Variants in TULP4 observed in about 807,000 individuals in gnomAD.
TULP4 encodes the protein tubby-related protein 4.
Under a neutral mutation model 129.0 loss-of-function variants are expected in TULP4, and 16 were observed. That is an observed-to-expected ratio of 0.12 (90% CI 0.08 to 0.19). The LOEUF (loss-of-function observed/expected upper bound fraction) is 0.19, where lower values mean the gene tolerates loss of function less well. TULP4 is among the 10% of genes least tolerant of loss of function. The pLI is 1.00. For synonymous variants in TULP4, 998 were observed against 854.0 expected (o/e 1.17, Z -2.94); for missense variants, 1,842 against 2,059.1 (o/e 0.89, Z 2.04).
intron 2 of TULP4, among the ~76,000 whole-genome samples, chr6:158,419,566 A>C (rs1234336017): frequency 6.6e-6 from 1 of 152,236 alleles, no homozygotes; most frequent in Non-Finnish European, 1.5e-5. Context: ...AAAAATCTAG[A>C]TAACAGTATA....
chr6:158,385,206 A>G (rs1777412249), intron 1 of TULP4, among the ~76,000 whole-genome samples: 1 of 152,232 alleles, frequency 6.6e-6, no homozygotes, highest in Non-Finnish European at 1.5e-5. Flanking sequence ...CGAAAGTACC[A>G]TCTTGATAAA....
At position 158,301,648 on chromosome 6, in the gene TULP4, C is replaced by G. The variant is rs112601511; in HGVS notation, n.117-10403C>G. On this transcript the variant is annotated intron_variant and non_coding_transcript_variant, in intron 1 of 1. Coordinates refer to the TULP4 transcript ENST00000432358. ...GGAAGAAAACACCACTCCACTAAGT[C>G]ATTATGTTGAACTATTAGCCCAGTA... is the stretch of plus-strand genomic sequence containing the variant. Among the ~76,000 whole-genome samples the G allele has an allele frequency of 5.2e-3, 797 of 152,268 alleles. 6 individuals are homozygous for G. The highest frequency in any genetic ancestry group is 0.018 in the African/African-American group (751 of 41,554).
intron 1 of TULP4, among the ~76,000 whole-genome samples, chr6:158,271,322 C>T (rs1485938544): frequency 6.6e-6 from 1 of 152,094 alleles, no homozygotes; most frequent in Non-Finnish European, 1.5e-5. Flanking sequence ...ATAGGTCCAG[C>T]TTCCTCAAGT....
At chr6:158,352,384 T>C (rs1383079089) in intron 1 of TULP4, among the ~76,000 whole-genome samples, 2 of 152,238 alleles carry the variant, frequency 1.3e-5, no homozygotes, top group Non-Finnish European at 2.9e-5. Context: ...TATCCATTTG[T>C]CATGATATGG....
chr6:158,281,086 G>C (rs535197987), upstream of TULP4, among the ~76,000 whole-genome samples: 1 of 152,274 alleles, frequency 6.6e-6, no homozygotes, highest in Admixed American at 6.5e-5. Context: ...ACCTCACTTT[G>C]TGGGTGTTAT....
chr6:158,392,063 G>A (rs1410298022), intron 1 of TULP4, among the ~76,000 whole-genome samples: 2 of 152,220 alleles, frequency 1.3e-5, no homozygotes, highest in African/African-American at 4.8e-5. Context: ...AGACTGGGCA[G>A]TTTACAAAAG....
At chr6:158,450,761 A>G (rs574768775) in intron 4 of TULP4, among the ~76,000 whole-genome samples, 374 of 152,160 alleles carry the variant, frequency 2.5e-3, no homozygotes, top group African/African-American at 8.7e-3. Context: ...TGAAAAAAAA[A>G]AAAGAAAACA....
chr6:158,355,924 A>C (rs185083371), intron 1 of TULP4, among the ~76,000 whole-genome samples: 1 of 152,352 alleles, frequency 6.6e-6, no homozygotes, highest in South Asian at 2.1e-4. Context: ...TATTTCATTT[A>C]TATGAAACTC....
Position 158,502,990 on chromosome 6 carries a change from GCCTGAAGCTGCTGTC to G in TULP4, c.3328_3342del (p.Pro1110_Val1114del). ...AGAAGCCCTTGAGGCACCCTCCCCT[GCCTGAAGCTGCTGTC>G]ACCCTGAAACGGCCACCCCCTTACC... On this transcript the variant is annotated inframe_deletion, in exon 13 of 14. Transcript: ENST00000367097. 1 of 1,614,048 alleles carries G rather than the reference GCCTGAAGCTGCTGTC, an allele frequency of 6.2e-7. No homozygotes were observed. Among genetic ancestry groups the G allele is most frequent in the Non-Finnish European group, 8.5e-7 (1 of 1,179,994 alleles).
rs1350508604 is a variant in TULP4, at chr6:158,396,257, A to AT, written c.253-16808_253-16807insT. 4.2e-3 allele frequency among the ~76,000 whole-genome samples: 634 copies of AT among 152,340 alleles called. 7 individuals carry two copies. The highest frequency in any genetic ancestry group is 0.015 in the African/African-American group (610 of 41,568). ...ACCTCTATTCTCTCATGTCGAGGGC[A>AT]GAACCCAGGTTGGCTCTTCTTTTTT... is the stretch of plus-strand genomic sequence containing the variant. On this transcript the variant is annotated intron_variant, in intron 1 of 13. Coordinates refer to ENST00000367097, the MANE Select transcript of TULP4 (RefSeq NM_020245.5).
At chr6:158,289,002 G>A (rs1328970401) in intron 1 of TULP4, among the ~76,000 whole-genome samples, 1 of 152,140 alleles carries the variant, frequency 6.6e-6, no homozygotes, top group Non-Finnish European at 1.5e-5. Context: ...TAATACTGCT[G>A]TAGGCTATTC....
At chr6:158,331,712 CA>C in intron 1 of TULP4, among the ~76,000 whole-genome samples, 2 of 24,100 alleles carry the variant, frequency 8.3e-5, no homozygotes, top group South Asian at 2.5e-3. Context: ...CACACACACA[CA>C]CACACACACA....
chr6:158,390,961 C>G (rs898455519), intron 1 of TULP4, among the ~76,000 whole-genome samples: 2 of 152,128 alleles, frequency 1.3e-5, no homozygotes, highest in Admixed American at 6.6e-5. Flanking sequence ...GGGTCTGAAC[C>G]TGTAGTCTGG....
intron 1 of TULP4, among the ~76,000 whole-genome samples, chr6:158,340,473 G>A (rs11751081): frequency 0.17 from 26,247 of 151,848 alleles, 2,692 homozygotes; most frequent in Middle Eastern, 0.26. Flanking sequence ...TGCATATCTC[G>A]TCAGCTGATA....
chr6:158,394,644 G>A (rs148312911), intron 1 of TULP4, among the ~76,000 whole-genome samples: 1,628 of 151,654 alleles, frequency 0.011, 33 homozygotes, highest in African/African-American at 0.035. Flanking sequence ...AAAATTAGCC[G>A]GACGTGGTGG....
chr6:158,354,091 C>T (rs560909500), intron 1 of TULP4, among the ~76,000 whole-genome samples: 1 of 152,076 alleles, frequency 6.6e-6, no homozygotes, highest in Non-Finnish European at 1.5e-5. Context: ...GGCACCGTTT[C>T]CTGAGGAGTG....
chr6:158,245,128 C>T (rs576994463), intron 1 of TULP4, among the ~76,000 whole-genome samples: 3 of 151,348 alleles, frequency 2.0e-5, no homozygotes, highest in African/African-American at 7.3e-5. Context: ...GCTGGGACTA[C>T]GGGCACATAT....
chr6:158,289,975 C>T (rs1354548244), intron 1 of TULP4, among the ~76,000 whole-genome samples: 1 of 152,102 alleles, frequency 6.6e-6, no homozygotes, highest in Non-Finnish European at 1.5e-5. Context: ...AGGGTCTCAC[C>T]CTGTCACTGG....
At position 158,361,328 on chromosome 6, in the gene TULP4, T is replaced by G. The variant is rs183874780; in HGVS notation, c.252+47060T>G. On this transcript the variant is annotated intron_variant, in intron 1 of 13. Transcript: ENST00000367097. Reference sequence around the variant, plus strand: ...GTACCTCCAGACCCACTGATTATTCTAATAGAGCAGTATTCAATTCTAGTT... The same window carrying G: ...GTACCTCCAGACCCACTGATTATTCGAATAGAGCAGTATTCAATTCTAGTT... Among the ~76,000 whole-genome samples the G allele has an allele frequency of 2.1e-3, 324 of 152,356 alleles. 7 individuals carry two copies. The highest frequency in any genetic ancestry group is 0.021 in the Admixed American group (315 of 15,306).
Sources: allele counts gnomAD v4.1 joint callset (sites outside exome capture counted in the v4.1 genomes callset), GRCh38; gene constraint gnomAD v4.1.1; transcripts MANE v1.5; gene names NCBI Gene and HGNC (gene_info 2026-07-23, HGNC 2026-07-21).